THSD7B: variants seen among roughly 807,000 people sequenced by gnomAD.
THSD7B encodes the protein thrombospondin type-1 domain-containing protein 7B.
THSD7B carries 138 observed loss-of-function variants against 213.6 expected under a neutral mutation model. The observed-to-expected ratio is 0.65, with a 90% CI of 0.56 to 0.74. THSD7B has a LOEUF of 0.74. THSD7B is among the 30% of genes least tolerant of loss of function. The pLI, the probability that THSD7B is intolerant of heterozygous loss-of-function variation, is 0.00. For missense variants in THSD7B, 1,931 were observed against 1,991.5 expected (o/e 0.97, Z 0.58); for synonymous variants, 742 against 687.0 (o/e 1.08, Z -1.25).
chr2:137,008,512 A>T (rs999921898), intron 2 of THSD7B, among the ~76,000 whole-genome samples: 1 of 152,170 alleles, frequency 6.6e-6, no homozygotes, highest in African/African-American at 2.4e-5. Context: ...AGTGGTTGGT[A>T]TAGTACTTTA....
At chr2:137,318,690 T>C (rs1373675898) in intron 12 of THSD7B, among the ~76,000 whole-genome samples, 1 of 152,126 alleles carries the variant, frequency 6.6e-6, no homozygotes, top group Non-Finnish European at 1.5e-5. Flanking sequence ...TGTGTTTAAC[T>C]TTTGTCTCTA....
At chr2:136,895,144 CA>C (rs1240682988) in intron 2 of THSD7B, among the ~76,000 whole-genome samples, 1 of 152,044 alleles carries the variant, frequency 6.6e-6, no homozygotes, top group East Asian at 1.9e-4. Context: ...GTAATGAGTT[CA>C]AAAAATATTA....
intron 12 of THSD7B, among the ~76,000 whole-genome samples, chr2:137,287,396 G>A (rs1199808919): frequency 5.9e-5 from 9 of 152,068 alleles, no homozygotes; most frequent in African/African-American, 2.2e-4. Context: ...AGAGTAAAGC[G>A]TTGGATTCAG....
intron 15 of THSD7B, among the ~76,000 whole-genome samples, chr2:137,454,254 A>C (rs1003103619): frequency 6.6e-6 from 1 of 152,160 alleles, no homozygotes; most frequent in Non-Finnish European, 1.5e-5. Context: ...TTTTCTCCAC[A>C]CATACTTTAT....
intron 12 of THSD7B, among the ~76,000 whole-genome samples, chr2:137,402,133 T>A (rs1013828557): frequency 6.6e-6 from 1 of 152,222 alleles, no homozygotes; most frequent in African/African-American, 2.4e-5. Flanking sequence ...TGTGAGACAT[T>A]GTCTTAAGAA....
intron 2 of THSD7B, among the ~76,000 whole-genome samples, chr2:137,003,369 AGGTTACT>A (rs1458033227): frequency 6.6e-6 from 1 of 152,214 alleles, no homozygotes; most frequent in Admixed American, 6.5e-5. Flanking sequence ...GAGAGGACAC[AGGTTACT>A]GTATTTTTCT....
intron 2 of THSD7B, among the ~76,000 whole-genome samples, chr2:136,894,682 C>T (rs1683922945): frequency 6.6e-6 from 1 of 152,178 alleles, no homozygotes; most frequent in Non-Finnish European, 1.5e-5. Flanking sequence ...TGGCCCTCCA[C>T]CTTCTGACAC....
At chr2:137,220,264 G>A (rs1407137095) in intron 7 of THSD7B, among the ~76,000 whole-genome samples, 1 of 151,370 alleles carries the variant, frequency 6.6e-6, no homozygotes, top group Non-Finnish European at 1.5e-5. Flanking sequence ...GACTCTAAAA[G>A]GACATTTTCA....
chr2:137,438,015 C>G (rs968935475), intron 14 of THSD7B, among the ~76,000 whole-genome samples: 2 of 152,164 alleles, frequency 1.3e-5, no homozygotes, highest in African/African-American at 2.4e-5. Context: ...CCAACTCCCA[C>G]TTGCATCTCA....
chr2:137,250,458 C>A (rs563784287), intron 10 of THSD7B, among the ~76,000 whole-genome samples: 1 of 152,148 alleles, frequency 6.6e-6, no homozygotes, highest in South Asian at 2.1e-4. Context: ...TTACCTCAAC[C>A]TTATGTTGAA....
chr2:137,105,615 GTC>G (rs1262537187), intron 4 of THSD7B, among the ~76,000 whole-genome samples: 3 of 152,130 alleles, frequency 2.0e-5, no homozygotes, highest in Non-Finnish European at 4.4e-5. Context: ...AAGTCAAATT[GTC>G]TCTGTTTGCA....
At chr2:137,228,422 A>G (rs563880607) in intron 7 of THSD7B, among the ~76,000 whole-genome samples, 1 of 152,246 alleles carries the variant, frequency 6.6e-6, no homozygotes, top group South Asian at 2.1e-4. Flanking sequence ...AATGACAGGG[A>G]GGATGGTAAA....
intron 12 of THSD7B, among the ~76,000 whole-genome samples, chr2:137,366,173 T>C (rs1365293103): frequency 6.6e-6 from 1 of 151,950 alleles, no homozygotes; most frequent in Non-Finnish European, 1.5e-5. Flanking sequence ...TTCTCACTCA[T>C]AGGTGGGAAT....
chr2:137,279,859 T>C (rs1682962654), intron 12 of THSD7B, among the ~76,000 whole-genome samples: 1 of 152,196 alleles, frequency 6.6e-6, no homozygotes, highest in African/African-American at 2.4e-5. Flanking sequence ...TCTTTGTAGA[T>C]GTAATTAATT....
At chr2:137,363,657 C>G (rs777744143) in intron 12 of THSD7B, among the ~76,000 whole-genome samples, 1 of 152,116 alleles carries the variant, frequency 6.6e-6, no homozygotes, top group Non-Finnish European at 1.5e-5. Flanking sequence ...ATAAATTCCT[C>G]AACACATACA....
intron 17 of THSD7B, among the ~76,000 whole-genome samples, chr2:137,599,218 A>G (rs1682028602): frequency 6.6e-6 from 1 of 151,620 alleles, no homozygotes; most frequent in Non-Finnish European, 1.5e-5. Context: ...TGAACTCATC[A>G]TTTTTTATGG....
chr2:137,380,801 C>G (rs765788827), intron 12 of THSD7B, among the ~76,000 whole-genome samples: 1 of 152,240 alleles, frequency 6.6e-6, no homozygotes, highest in Admixed American at 6.5e-5. Flanking sequence ...CGCAGGCATA[C>G]AACTCCACAC....
At chr2:137,389,246 GT>G (rs1243807098) in intron 12 of THSD7B, among the ~76,000 whole-genome samples, 4 of 140,132 alleles carry the variant, frequency 2.9e-5, no homozygotes, top group Non-Finnish European at 6.1e-5. Context: ...TATAGAGAGA[GT>G]TTTTTTTCTA....
At chr2:136,832,490 C>T (rs1420356070) in intron 1 of THSD7B, among the ~76,000 whole-genome samples, 3 of 152,134 alleles carry the variant, frequency 2.0e-5, no homozygotes, top group Non-Finnish European at 4.4e-5. Flanking sequence ...GATGCCCACC[C>T]ACATTGCAGA....
Sources: allele counts gnomAD v4.1 joint callset (sites outside exome capture counted in the v4.1 genomes callset), GRCh38; gene constraint gnomAD v4.1.1; transcripts MANE v1.5; gene names NCBI Gene and HGNC (gene_info 2026-07-23, HGNC 2026-07-21).